KIAA0513: variants seen among roughly 807,000 people sequenced by gnomAD.
The protein encoded by KIAA0513 is uncharacterized protein KIAA0513.
In KIAA0513, 39 loss-of-function variants were observed where a neutral mutation model predicts 56.5. The observed-to-expected ratio is 0.69, with a 90% CI of 0.53 to 0.90. The LOEUF is 0.90. Among genes scored for constraint, KIAA0513 ranks in the 40% least tolerant of loss-of-function variants. The pLI, the probability that KIAA0513 is intolerant of heterozygous loss-of-function variation, is 0.00. For missense variants in KIAA0513, 591 were observed against 535.2 expected, an observed-to-expected ratio of 1.10 and a Z score of -1.03; for synonymous variants, 268 against 215.6, an observed-to-expected ratio of 1.24 and a Z score of -2.13.
At chr16:85,068,024 T>C (rs1210824556) in intron 2 of KIAA0513, among the ~76,000 whole-genome samples, 1 of 152,130 alleles carries the variant, frequency 6.6e-6, no homozygotes, top group Non-Finnish European at 1.5e-5. Context: ...TTGGTCAAGC[T>C]GGTCTCGAAC....
intron 4 of KIAA0513, among the ~76,000 whole-genome samples, chr16:85,074,827 T>C (rs2073633490): frequency 1.3e-5 from 2 of 152,246 alleles, no homozygotes; most frequent in African/African-American, 2.4e-5. Context: ...GGCATTTTCA[T>C]GAAGTCCCAT....
chr16:85,067,732 C>T (rs533256614), intron 2 of KIAA0513, among the ~76,000 whole-genome samples: 58 of 152,294 alleles, frequency 3.8e-4, no homozygotes, highest in Non-Finnish European at 1.3e-4. Flanking sequence ...GGACACGCTC[C>T]GGAGTGCCCA....
In KIAA0513 at chr16:85,088,421, GC is replaced by G; in HGVS notation, c.*98del. ...CACCCCACCCGATGACCTGCATGAA[GC>G]CAGCAGCACCCAGAGCCACTCCTGC... On this transcript the variant is annotated 3_prime_UTR_variant, in exon 13 of 13. Transcript: ENST00000683363. 1 of 1,070,680 alleles carries G rather than the reference GC, an allele frequency of 9.3e-7. No homozygotes were observed. Among genetic ancestry groups the G allele is most frequent in the Non-Finnish European group, 1.4e-6 (1 of 708,564 alleles). 66.3% of individuals were successfully genotyped at this position (1,070,680 alleles called of 1,614,324 possible).
At chr16:85,080,789 A>G (rs7201660) in intron 8 of KIAA0513, among the ~76,000 whole-genome samples, 9,338 of 152,268 alleles carry the variant, frequency 0.061, 476 homozygotes, top group East Asian at 0.26. Context: ...GTGAAACTCC[A>G]TCTCAAAAAA....
At chr16:85,086,879 G>A (rs776705134) in intron 11 of KIAA0513, 155 bp downstream of exon 11, 18 of 842,890 alleles carry the variant, frequency 2.1e-5, no homozygotes, top group Middle Eastern at 6.4e-4. Flanking sequence ...TAATTAATCC[G>A]CCTCCTACAC....
intron 1 of KIAA0513, among the ~76,000 whole-genome samples, chr16:85,054,381 T>C (rs932780817): frequency 1.1e-4 from 16 of 151,866 alleles, no homozygotes; most frequent in African/African-American, 3.6e-4. Flanking sequence ...GTTATCTCAG[T>C]GCCATTGAAA....
At chr16:85,050,374 G>A (rs2073235415) in intron 1 of KIAA0513, among the ~76,000 whole-genome samples, 1 of 146,398 alleles carries the variant, frequency 6.8e-6, no homozygotes, top group South Asian at 2.1e-4. Context: ...TTTTGAGACG[G>A]ACTCTTGTTC....
chr16:85,067,938 G>A (rs891225176), intron 2 of KIAA0513, among the ~76,000 whole-genome samples: 3 of 151,582 alleles, frequency 2.0e-5, no homozygotes, highest in African/African-American at 7.3e-5. Flanking sequence ...AGCCTCCCGA[G>A]TAGCTGGGAC....
intron 12 of KIAA0513, among the ~76,000 whole-genome samples, chr16:85,087,945 G>A (rs1241207941): frequency 6.6e-6 from 1 of 152,238 alleles, no homozygotes; most frequent in Non-Finnish European, 1.5e-5. Flanking sequence ...TGGACTGACT[G>A]CCCCTTGCCT....
chr16:85,074,343 T>TAC (rs1555524105), intron 4 of KIAA0513, among the ~76,000 whole-genome samples: 9,834 of 130,510 alleles, frequency 0.075, 433 homozygotes, highest in East Asian at 0.2. Context: ...TATACACACA[T>TAC]ACACACACAC....
chr16:85,062,713 CT>C (rs770064906), intron 1 of KIAA0513, among the ~76,000 whole-genome samples: 2 of 152,156 alleles, frequency 1.3e-5, no homozygotes, highest in Non-Finnish European at 2.9e-5. Flanking sequence ...TTCAGCATTC[CT>C]TAGAAACCTG....
At chr16:85,042,389 G>T (rs1478991434) in intron 1 of KIAA0513, among the ~76,000 whole-genome samples, 1 of 152,170 alleles carries the variant, frequency 6.6e-6, no homozygotes, top group African/African-American at 2.4e-5. Flanking sequence ...GTGTACTGCA[G>T]CTATGTAAAG....
At position 85,081,534 on chromosome 16, in the gene KIAA0513, C is replaced by A; in HGVS notation, c.980+142C>A. On this transcript the variant is annotated intron_variant, in intron 9 of 12. Transcript: ENST00000683363. This position sits in a 1 kb window ranked among gnomAD's most constrained non-coding sequence, Gnocchi z 4.4. ...CTTCACCCCCTCATGGCCCTGGTGC[C>A]TCGCAAGCTGCCTGAGGGGTCACAG... The A allele has an allele frequency of 1.3e-6, 1 of 758,556 alleles. No homozygotes were observed. The highest frequency in any genetic ancestry group is 1.6e-5 in the South Asian group (1 of 64,302). 47.0% of individuals were successfully genotyped at this position (758,556 alleles called of 1,614,324 possible). A position where few individuals can be genotyped will look rare whatever the true frequency, so the allele number is the denominator to read the frequency against.
At chr16:85,078,591 C>T (rs559253773) in intron 7 of KIAA0513, 136 bp downstream of exon 7, 39 of 786,194 alleles carry the variant, frequency 5.0e-5, no homozygotes, top group Non-Finnish European at 6.9e-5. Flanking sequence ...GCCCCAGTTG[C>T]TTCCCAGCTC....
At chr16:85,082,783 G>A (rs1029544006) in intron 10 of KIAA0513, among the ~76,000 whole-genome samples, 190 bp downstream of exon 10, 6 of 152,338 alleles carry the variant, frequency 3.9e-5, no homozygotes, top group South Asian at 2.1e-4. Flanking sequence ...CTGGCAATGC[G>A]TCCCAGAACT....
intron 1 of KIAA0513, among the ~76,000 whole-genome samples, chr16:85,052,941 A>G (rs1433547903): frequency 6.6e-6 from 1 of 152,072 alleles, no homozygotes; most frequent in East Asian, 1.9e-4. Flanking sequence ...CCCAGGCTGG[A>G]GTGCAGTGGC....
intron 1 of KIAA0513, among the ~76,000 whole-genome samples, chr16:85,050,638 G>T (rs940037462): frequency 6.6e-6 from 1 of 152,146 alleles, no homozygotes; most frequent in Admixed American, 6.6e-5. Context: ...TATAACCATG[G>T]TGTTTCTTTT....
At chr16:85,054,822 G>T (rs1022747210) in intron 1 of KIAA0513, among the ~76,000 whole-genome samples, 1 of 152,112 alleles carries the variant, frequency 6.6e-6, no homozygotes, top group African/African-American at 2.4e-5. Context: ...GGCCTAAAGG[G>T]GATGGCAATG....
intron 1 of KIAA0513, among the ~76,000 whole-genome samples, chr16:85,041,903 C>T (rs181639420): frequency 5.9e-5 from 9 of 152,284 alleles, no homozygotes; most frequent in East Asian, 1.9e-4. Context: ...TTCAGTGTCC[C>T]GCTCTTGAAA....
Sources: gnomAD v4.1 joint callset for allele counts (sites outside exome capture counted in the v4.1 genomes callset) on GRCh38, gnomAD v4.1.1 for gene constraint, Gnocchi (gnomAD v3.1) non-coding constraint, MANE v1.5 for transcripts, NCBI Gene and HGNC (gene_info 2026-07-23, HGNC 2026-07-21) for gene names.